SPECC1: variants seen among roughly 807,000 people sequenced by gnomAD.
The protein encoded by SPECC1 is sperm antigen with calponin homology and coiled-coil domains 1, also known as cytospin-B.
A neutral mutation model predicts 104.1 loss-of-function variants in SPECC1; 62 were observed. That is an observed-to-expected ratio of 0.60 (90% CI 0.49 to 0.74). The LOEUF is 0.74. Among genes scored for constraint, SPECC1 ranks in the 30% least tolerant of loss-of-function variants. The pLI, the probability that SPECC1 is intolerant of heterozygous loss-of-function variation, is 0.00. For missense variants in SPECC1, 1,306 were observed against 1,310.5 expected (o/e 1.00, Z 0.05); for synonymous variants, 513 against 501.6 (o/e 1.02, Z -0.30).
intron 3 of SPECC1, among the ~76,000 whole-genome samples, chr17:20,159,871 T>C (rs2032976182): frequency 6.6e-6 from 1 of 152,156 alleles, no homozygotes; most frequent in African/African-American, 2.4e-5. Flanking sequence ...GGTTGTGCAA[T>C]TTGTGTACTG....
chr17:20,108,286 T>C (rs748691683), intron 2 of SPECC1, among the ~76,000 whole-genome samples: 14 of 151,910 alleles, frequency 9.2e-5, no homozygotes, highest in Non-Finnish European at 1.3e-4. Flanking sequence ...ACTAGGACTT[T>C]GCCTAAATTG....
chr17:20,122,342 A>C (rs994751768), intron 3 of SPECC1, among the ~76,000 whole-genome samples: 1 of 152,190 alleles, frequency 6.6e-6, no homozygotes. Context: ...TGGGGTAAGC[A>C]GACCAGCTTG....
chr17:20,297,709 C>T (rs2041401630), intron 13 of SPECC1, among the ~76,000 whole-genome samples: 2 of 152,160 alleles, frequency 1.3e-5, no homozygotes, highest in African/African-American at 2.4e-5. Context: ...TTTACAAAAA[C>T]AGGCTATGAG....
chr17:20,273,369 T>A (rs1752806584), intron 12 of SPECC1, among the ~76,000 whole-genome samples: 1 of 151,922 alleles, frequency 6.6e-6, no homozygotes, highest in South Asian at 2.1e-4. Flanking sequence ...TCCCAACTGC[T>A]TGGGAGGCTG....
rs1346911242 is a variant in SPECC1 at position 20,317,594 on chromosome 17, T to TAGGCACCTGTA, written c.*3531_*3541dup. The TAGGCACCTGTA allele has an allele frequency of 5.2e-6, 1 of 191,482 alleles. No homozygotes were observed. Among genetic ancestry groups the TAGGCACCTGTA allele is most frequent in the Non-Finnish European group, 1.1e-5 (1 of 91,674 alleles). 11.9% of individuals were successfully genotyped at this position (191,482 alleles called of 1,614,324 possible). A position where few individuals can be genotyped will look rare whatever the true frequency, so the allele number is the denominator to read the frequency against. On this transcript the variant is annotated 3_prime_UTR_variant, in exon 15 of 15. Coordinates refer to ENST00000395527, the MANE Select transcript of SPECC1 (RefSeq NM_001243439.2). ...TTTTTTAATTAGCTGGGTACAATGATAGGCACCTGTAATCTCAGCTGCTTG... is the reference window on the plus strand; with the variant it reads ...TTTTTTAATTAGCTGGGTACAATGATAGGCACCTGTAAGGCACCTGTAATCTCAGCTGCTTG...
chr17:20,148,897 T>C (rs1052461685), intron 3 of SPECC1, among the ~76,000 whole-genome samples: 13 of 152,166 alleles, frequency 8.5e-5, no homozygotes, highest in Admixed American at 6.5e-4. Flanking sequence ...TGTTTTGTAT[T>C]TTTAGTAGAG....
intron 1 of SPECC1, among the ~76,000 whole-genome samples, chr17:20,089,606 A>ATGGC (rs1280827329): frequency 6.6e-6 from 1 of 152,188 alleles, no homozygotes; most frequent in African/African-American, 2.4e-5. Flanking sequence ...AGCTTGGGCA[A>ATGGC]TGGAGTAAGA....
chr17:20,223,079 T>A (rs1488523477), intron 4 of SPECC1, among the ~76,000 whole-genome samples: 2 of 152,204 alleles, frequency 1.3e-5, no homozygotes, highest in African/African-American at 4.8e-5. Flanking sequence ...TATTTTTCTC[T>A]AGATTTGGGA....
chr17:20,270,432 CCAAAAAAAAAAAAA>C (rs1567596390), intron 12 of SPECC1, among the ~76,000 whole-genome samples: 1 of 43,064 alleles, frequency 2.3e-5, no homozygotes, highest in Non-Finnish European at 4.2e-5. Context: ...CCTGTCTTTA[CCAAAAAAAAAAAAA>C]AAAAAAAAAA....
chr17:20,234,165 G>C (rs2526473), intron 7 of SPECC1, among the ~76,000 whole-genome samples: 115,750 of 151,920 alleles, frequency 0.76, 45,290 homozygotes, highest in East Asian at 0.99. Flanking sequence ...TTAACGTCAC[G>C]TTTTTTTTTA....
intron 1 of SPECC1, among the ~76,000 whole-genome samples, chr17:20,030,953 A>G (rs2044785194): frequency 6.6e-6 from 1 of 151,938 alleles, no homozygotes; most frequent in Non-Finnish European, 1.5e-5. Flanking sequence ...CTCAGCAGCA[A>G]TCTCGTTTCC....
chr17:20,316,193 C>G lies in SPECC1; in HGVS notation c.*2128C>G. On this transcript the variant is annotated 3_prime_UTR_variant, in exon 15 of 15. Coordinates refer to ENST00000395527, the MANE Select transcript of SPECC1 (RefSeq NM_001243439.2). The stretch of plus-strand genomic sequence containing the variant: ...TTTTTTTTTTATTAACCCTGTACTT[C>G]TTCTTTGCCCACCATTAAAGTGGGG... 1 of 231,042 alleles carries G rather than the reference C, an allele frequency of 4.3e-6. No individual in the cohort carries two copies. 14.3% of individuals were successfully genotyped at this position (231,042 alleles called of 1,614,324 possible). A position where few individuals can be genotyped will look rare whatever the true frequency, so the allele number is the denominator to read the frequency against.
At chr17:20,095,498 C>G (rs929627284) in intron 1 of SPECC1, among the ~76,000 whole-genome samples, 1 of 152,120 alleles carries the variant, frequency 6.6e-6, no homozygotes. Context: ...TCAATAGGGT[C>G]GGGAACTAGA....
intron 2 of SPECC1, among the ~76,000 whole-genome samples, chr17:20,108,958 T>C (rs2048356086): frequency 6.6e-6 from 1 of 152,180 alleles, no homozygotes; most frequent in African/African-American, 2.4e-5. Flanking sequence ...TGTTGCTTTC[T>C]TCTATTTTCC....
At chr17:20,107,672 A>G (rs2048297138) in intron 2 of SPECC1, among the ~76,000 whole-genome samples, 1 of 151,644 alleles carries the variant, frequency 6.6e-6, no homozygotes, top group Non-Finnish European at 1.5e-5. Flanking sequence ...GACCAGGCTC[A>G]TCTCGAACTC....
At chr17:20,247,344 C>G in intron 9 of SPECC1, 25 bp downstream of exon 9, 1 of 1,542,744 alleles carries the variant, frequency 6.5e-7, no homozygotes, top group African/African-American at 1.4e-5. Flanking sequence ...GAAATAACCA[C>G]TGCTTATGGT....
At position 20,264,457 on chromosome 17, in the gene SPECC1, ATTTTTTTTTTTTTTT is replaced by A. The variant is rs10565315; in HGVS notation, c.2940+4181_2940+4195del. Among the ~76,000 whole-genome samples, 52 of 55,772 alleles carry A rather than the reference ATTTTTTTTTTTTTTT, an allele frequency of 9.3e-4. 2 individuals carry two copies. The highest frequency in any genetic ancestry group is 0.016 in the Middle Eastern group (1 of 62). 36.6% of individuals were successfully genotyped at this position (55,772 alleles called of 152,430 possible). A position where few individuals can be genotyped will look rare whatever the true frequency, so the allele number is the denominator to read the frequency against. On this transcript the variant is annotated intron_variant, in intron 12 of 14. Transcript: ENST00000395527. The stretch of plus-strand genomic sequence containing the variant: ...TCCATGTGGCTTTTTTTGGAGACGG[ATTTTTTTTTTTTTTT>A]TTTTTTTTTTTTTTTTTGAGACAGA...
chr17:20,171,235 GTA>G (rs1487650352), intron 3 of SPECC1, among the ~76,000 whole-genome samples: 5 of 152,138 alleles, frequency 3.3e-5, no homozygotes, highest in Non-Finnish European at 7.3e-5. Context: ...AGTGAGAGGG[GTA>G]TGTGGCTCTG....
intron 3 of SPECC1, among the ~76,000 whole-genome samples, chr17:20,187,775 G>C (rs1044346997): frequency 1.3e-5 from 2 of 152,170 alleles, no homozygotes; most frequent in African/African-American, 4.8e-5. Flanking sequence ...GAGGGACCTT[G>C]GTAAATCAGA....
Sources: gnomAD v4.1 joint callset for allele counts (sites outside exome capture counted in the v4.1 genomes callset) on GRCh38, gnomAD v4.1.1 for gene constraint, MANE v1.5 for transcripts, NCBI Gene and HGNC (gene_info 2026-07-23, HGNC 2026-07-21) for gene names.